The following KIRREL3 variants were observed in gnomAD, a reference collection of about 807,000 sequenced individuals.
KIRREL3 encodes kirre like nephrin family adhesion molecule 3.
KIRREL3 carries 36 observed loss-of-function variants against 89.7 expected under a neutral mutation model. That is an observed-to-expected ratio of 0.40 (90% CI 0.31 to 0.53). The LOEUF (loss-of-function observed/expected upper bound fraction) is 0.53. Ranked by LOEUF, KIRREL3 falls within the 20% of genes least tolerant of loss-of-function variation. The pLI is 0.49. For synonymous variants in KIRREL3, 445 were observed against 441.4 expected (o/e 1.01, Z -0.10); for missense variants, 864 against 1,056.6 (o/e 0.82, Z 2.53).
Position 126,973,493 on chromosome 11 carries a change from A to T in KIRREL3, c.55+26962T>A, listed in dbSNP as rs557574043. ...ATCATTGTTCAGAGCTTAGGTCTAG[A>T]TCCATTTCTGTTACAGACTATCATG... On this transcript the variant is annotated intron_variant, in intron 1 of 16. Transcript: ENST00000525144. 3.9e-5 allele frequency among the ~76,000 whole-genome samples: 6 copies of T among 152,276 alleles called. No individual in the cohort carries two copies. In the South Asian group the frequency reaches 1.0e-3, roughly 26 times the overall value.
rs7930879 is a variant in KIRREL3 at position 126,748,637 on chromosome 11, G to T, written c.56-185725C>A. On this transcript the variant is annotated intron_variant, in intron 1 of 16. Coordinates refer to ENST00000525144, the MANE Select transcript of KIRREL3 (RefSeq NM_032531.4). This position sits in a 1 kb window ranked among gnomAD's most constrained non-coding sequence, Gnocchi z 4.6. ...GGAAAGAAGAGGCCTCTGCGGGAAGGGGGCAGGGGCAGGAAGGCCAAGGCT... is the reference window on the plus strand; with the variant it reads ...GGAAAGAAGAGGCCTCTGCGGGAAGTGGGCAGGGGCAGGAAGGCCAAGGCT... Among the ~76,000 whole-genome samples the T allele has an allele frequency of 2.0e-5, 3 of 152,020 alleles. No individual in the cohort carries two copies. The highest frequency in any genetic ancestry group is 2.1e-4 in the South Asian group (1 of 4,798).
intron 1 of KIRREL3, among the ~76,000 whole-genome samples, chr11:126,801,996 C>T (rs1421356359): frequency 6.6e-6 from 1 of 152,174 alleles, no homozygotes; most frequent in African/African-American, 2.4e-5. Context: ...TTTCACCTCA[C>T]TGTCTCCAAA....
Position 126,900,653 on chromosome 11 carries a change from G to C in KIRREL3, c.55+99802C>G, listed in dbSNP as rs1946335058. On this transcript the variant is annotated intron_variant, in intron 1 of 16. Coordinates refer to ENST00000525144, the MANE Select transcript of KIRREL3 (RefSeq NM_032531.4). The surrounding 1 kb of genome is among the most constrained non-coding windows in gnomAD (Gnocchi z 4.4). The stretch of plus-strand genomic sequence containing the variant: ...ACTAATGCCTTTCAGCAAAGCCCAG[G>C]CATCTTTTAAAGTCAAACTTTAAAG... 6.6e-6 allele frequency among the ~76,000 whole-genome samples: 1 copy of C among 152,282 alleles called. No individual in the cohort carries two copies.
chr11:126,925,102 G>C (rs928593996), intron 1 of KIRREL3, among the ~76,000 whole-genome samples: 3 of 116,714 alleles, frequency 2.6e-5, no homozygotes, highest in Non-Finnish European at 5.3e-5. Flanking sequence ...AAGGTCGGGG[G>C]GGGGGGGGGG....
intron 1 of KIRREL3, among the ~76,000 whole-genome samples, chr11:126,777,009 A>G (rs1950187394): frequency 6.6e-6 from 1 of 152,212 alleles, no homozygotes; most frequent in Admixed American, 6.5e-5. Flanking sequence ...GTTAAACCTC[A>G]GATGTCAGGA....
chr11:126,945,034 C>G (rs1011532963), intron 1 of KIRREL3: 1 of 152,206 alleles, frequency 6.6e-6, no homozygotes, highest in Non-Finnish European at 1.5e-5. Flanking sequence ...CAATCAAGAA[C>G]GGGGGCCCTC....
rs546070258 is a variant in KIRREL3, at chr11:126,467,629, CT to C, written c.592-4323del. On this transcript the variant is annotated intron_variant, in intron 5 of 16. Coordinates refer to ENST00000525144, the MANE Select transcript of KIRREL3 (RefSeq NM_032531.4). ...CTCACCTTCCCCACCTGCTGGGTCC[CT>C]TTTTTTTTTTTTTTAAAAAATCATG... Among the ~76,000 whole-genome samples, 415 of 140,868 alleles carry C rather than the reference CT, an allele frequency of 2.9e-3. 4 individuals carry two copies. Among genetic ancestry groups the C allele is most frequent in the African/African-American group, 8.5e-3 (298 of 35,088 alleles). 92.4% of individuals were successfully genotyped at this position (140,868 alleles called of 152,430 possible).
At chr11:126,581,438 G>A (rs959493400) in intron 1 of KIRREL3, among the ~76,000 whole-genome samples, 1 of 152,118 alleles carries the variant, frequency 6.6e-6, no homozygotes, top group Admixed American at 6.6e-5. Flanking sequence ...CTGACCTCAG[G>A]TGATCTGCCC....
Position 126,614,165 on chromosome 11 carries a change from CAT to C in KIRREL3, c.56-51255_56-51254del. 2.0e-5 allele frequency among the ~76,000 whole-genome samples: 3 copies of C among 152,116 alleles called. No individual in the cohort carries two copies. Among genetic ancestry groups the C allele is most frequent in the Non-Finnish European group, 4.4e-5 (3 of 67,978 alleles). On this transcript the variant is annotated intron_variant, in intron 1 of 16. Transcript: ENST00000525144. The surrounding 1 kb of genome is among the most constrained non-coding windows in gnomAD (Gnocchi z 4.6). ...ATTTATAAAAGAGAAGGGGGATTAA[CAT>C]GTGCGCTTTAAGGGTTGGAAAAGTT... is the stretch of plus-strand genomic sequence containing the variant.
intron 1 of KIRREL3, among the ~76,000 whole-genome samples, chr11:126,585,718 G>T (rs1941805736): frequency 6.6e-6 from 1 of 152,230 alleles, no homozygotes; most frequent in Non-Finnish European, 1.5e-5. Context: ...ACAAAGGGAT[G>T]CGGGGCCTAG....
chr11:126,622,245 C>T lies in KIRREL3; in HGVS notation c.56-59333G>A, dbSNP rs966014523. The stretch of plus-strand genomic sequence containing the variant: ...GGTATTCTTAGAGAAAGTTGTTGCA[C>T]CTTTGGGTGCTGTTTTAATTACTTT... On this transcript the variant is annotated intron_variant, in intron 1 of 16. Coordinates refer to ENST00000525144, the MANE Select transcript of KIRREL3 (RefSeq NM_032531.4). This position sits in a 1 kb window ranked among gnomAD's most constrained non-coding sequence, Gnocchi z 5.2. 6.6e-6 allele frequency among the ~76,000 whole-genome samples: 1 copy of T among 152,180 alleles called. No individual in the cohort carries two copies. Among genetic ancestry groups the T allele is most frequent in the South Asian group, 2.1e-4 (1 of 4,828 alleles).
chr11:126,818,631 G>A (rs1440378916), intron 1 of KIRREL3, among the ~76,000 whole-genome samples: 3 of 150,168 alleles, frequency 2.0e-5, no homozygotes, highest in African/African-American at 7.3e-5. Context: ...AGTAGTGTGT[G>A]TGTGTGTGTG....
At position 126,883,418 on chromosome 11, in the gene KIRREL3, A is replaced by T. The variant is rs962786793; in HGVS notation, c.55+117037T>A. On this transcript the variant is annotated intron_variant, in intron 1 of 16. Coordinates refer to ENST00000525144, the MANE Select transcript of KIRREL3 (RefSeq NM_032531.4). The surrounding 1 kb of genome is among the most constrained non-coding windows in gnomAD (Gnocchi z 4.1). ...CTGCATCCCTCTCTATCTATGTTCC[A>T]GGCACACGGGACTTTGCATTACTTC... Among the ~76,000 whole-genome samples, 2 of 152,134 alleles carry T rather than the reference A, an allele frequency of 1.3e-5. No individual in the cohort carries two copies. Among genetic ancestry groups the T allele is most frequent in the Non-Finnish European group, 2.9e-5 (2 of 68,024 alleles).
At chr11:126,670,607 T>C (rs1307043983) in intron 1 of KIRREL3, among the ~76,000 whole-genome samples, 1 of 152,250 alleles carries the variant, frequency 6.6e-6, no homozygotes, top group Non-Finnish European at 1.5e-5. Context: ...GATTGTAGGA[T>C]ACAAGGTGAA....
intron 1 of KIRREL3, among the ~76,000 whole-genome samples, chr11:126,789,565 T>C (rs1324308027): frequency 1.3e-5 from 2 of 152,206 alleles, no homozygotes; most frequent in Non-Finnish European, 2.9e-5. Context: ...TGGTTTTTAC[T>C]CTCTGGTTCC....
In KIRREL3 at chr11:126,539,753, T is replaced by C. The variant is rs114868116; in HGVS notation, c.134-13066A>G. ...CCAGGTGATGCTGTCCCAGATGTAG[T>C]TGGGTCAATGGTTCTGGAGCTGGGA... On this transcript the variant is annotated intron_variant, in intron 2 of 16. Transcript: ENST00000525144. 2.9e-3 allele frequency among the ~76,000 whole-genome samples: 434 copies of C among 152,216 alleles called. 3 individuals are homozygous for C. The highest frequency in any genetic ancestry group is 9.5e-3 in the African/African-American group (393 of 41,550).
At chr11:126,634,318 A>G (rs534935163) in intron 1 of KIRREL3, among the ~76,000 whole-genome samples, 6 of 152,360 alleles carry the variant, frequency 3.9e-5, no homozygotes, top group African/African-American at 1.4e-4. Context: ...CCATGCATTC[A>G]TGCAGTCTTC....
chr11:126,834,902 C>T (rs1023857652), intron 1 of KIRREL3, among the ~76,000 whole-genome samples: 2 of 152,240 alleles, frequency 1.3e-5, no homozygotes, highest in Admixed American at 6.5e-5. Context: ...TGACCATGCT[C>T]AGAGCGTGGC....
At chr11:126,619,732 G>T (rs1943501667) in intron 1 of KIRREL3, among the ~76,000 whole-genome samples, 1 of 152,232 alleles carries the variant, frequency 6.6e-6, no homozygotes, top group Non-Finnish European at 1.5e-5. Flanking sequence ...ACAGCATGCT[G>T]ACCACCTGCT....
Sources: allele counts gnomAD v4.1 joint callset (sites outside exome capture counted in the v4.1 genomes callset), GRCh38; gene constraint gnomAD v4.1.1; non-coding constraint Gnocchi (gnomAD v3.1); transcripts MANE v1.5; gene names NCBI Gene and HGNC (gene_info 2026-07-23, HGNC 2026-07-21).